Variants in CCDC198 observed in about 807,000 individuals in gnomAD.
CCDC198 encodes coiled-coil domain containing 198.
CCDC198 carries 18 observed loss-of-function variants against 35.6 expected under a neutral mutation model. The ratio of observed to expected loss-of-function variants is 0.51; its 90% CI spans 0.35 to 0.75. The LOEUF (loss-of-function observed/expected upper bound fraction) is 0.75. CCDC198 is among the 30% of genes least tolerant of loss of function. The pLI is 0.01. For synonymous variants in CCDC198, 119 were observed against 113.4 expected (o/e 1.05, Z -0.31); for missense variants, 365 against 343.7 (o/e 1.06, Z -0.49).
At chr14:57,475,478 G>A in intron 5 of CCDC198, 4 of 1,222,422 alleles carry the variant, frequency 3.3e-6, no homozygotes, top group Non-Finnish European at 4.2e-6. Context: ...GCTCATGCCT[G>A]TAATCGGATC....
chr14:57,493,639 G>A lies in CCDC198; in HGVS notation c.77C>T (p.Pro26Leu), dbSNP rs2067653108. ...APLQNKEVET[P>L]SAGRVDFAFN... is the part of the protein sequence containing the mutation. ...TGCAAAGTCCACACGGCCAGCCGAGGGAGTCTCTACCTCTTTGTTTTGCAA... is the reference window on the plus strand; with the variant it reads ...TGCAAAGTCCACACGGCCAGCCGAGAGAGTCTCTACCTCTTTGTTTTGCAA... Residue 26 changes from proline (P) to leucine (L), a missense_variant, in exon 1 of 6, where the codon CCC becomes CTC. Pro to Leu is a moderately conservative substitution (Grantham distance 98). Transcript: ENST00000216445. 3.7e-6 allele frequency: 6 copies of A among 1,613,798 alleles called. No homozygotes were observed. The highest frequency in any genetic ancestry group is 5.1e-6 in the Non-Finnish European group (6 of 1,179,930).
chr14:57,485,747 G>T (rs986105596), intron 2 of CCDC198, among the ~76,000 whole-genome samples: 9 of 152,176 alleles, frequency 5.9e-5, no homozygotes, highest in Admixed American at 5.2e-4. Flanking sequence ...GAAGGGCAAA[G>T]GATGTGGAGA....
chr14:57,484,466 C>G (rs1163852012), intron 2 of CCDC198, among the ~76,000 whole-genome samples: 1 of 152,150 alleles, frequency 6.6e-6, no homozygotes, highest in Non-Finnish European at 1.5e-5. Context: ...GGGAACCAAC[C>G]CTATGGACAC....
At chr14:57,475,613 AG>A (rs1444458007) in intron 5 of CCDC198, 1 of 393,446 alleles carries the variant, frequency 2.5e-6, no homozygotes, top group East Asian at 9.9e-5. Flanking sequence ...AGGCTGAGGC[AG>A]GAGAATCATT....
At chr14:57,491,211 G>A in intron 1 of CCDC198, 140 bp from the exon 2 acceptor site, 1 of 792,392 alleles carries the variant, frequency 1.3e-6, no homozygotes, top group South Asian at 1.9e-5. Context: ...GGTTGAATGT[G>A]GAGATGAAAC....
intron 5 of CCDC198, among the ~76,000 whole-genome samples, chr14:57,479,586 T>C (rs2067115863): frequency 6.6e-6 from 1 of 152,166 alleles, no homozygotes; most frequent in Non-Finnish European, 1.5e-5. Context: ...AGGTCTGGGG[T>C]ATGACCTCCA....
intron 2 of CCDC198, among the ~76,000 whole-genome samples, chr14:57,483,980 T>A (rs1304658553): frequency 6.6e-6 from 1 of 152,168 alleles, no homozygotes; most frequent in Non-Finnish European, 1.5e-5. Flanking sequence ...GCATAATAGA[T>A]GTACATTTGC....
intron 5 of CCDC198, among the ~76,000 whole-genome samples, chr14:57,473,520 T>C (rs899266550): frequency 6.6e-5 from 10 of 152,186 alleles, no homozygotes; most frequent in African/African-American, 1.9e-4. Context: ...ATCTAACCTA[T>C]CACCTGATAA....
At chr14:57,489,945 A>G (rs2139558756) in intron 2 of CCDC198, among the ~76,000 whole-genome samples, 1 of 152,292 alleles carries the variant, frequency 6.6e-6, no homozygotes, top group South Asian at 2.1e-4. Flanking sequence ...TTAATTTGTT[A>G]TATTTCATTT....
intron 4 of CCDC198, among the ~76,000 whole-genome samples, chr14:57,481,278 C>T (rs2067175940): frequency 6.6e-6 from 1 of 152,074 alleles, no homozygotes; most frequent in Non-Finnish European, 1.5e-5. Context: ...ATGATCTAGC[C>T]CCATTTTCCT....
intron 5 of CCDC198, 40 bp from the exon 6 acceptor site, chr14:57,471,630 A>G (rs558640551): frequency 2.9e-5 from 35 of 1,213,454 alleles, no homozygotes; most frequent in Middle Eastern, 5.2e-4. Flanking sequence ...TTCCCTTAGC[A>G]ATGATTTATT....
At chr14:57,482,937 AAC>A in intron 3 of CCDC198, 126 bp downstream of exon 3, 1 of 1,297,262 alleles carries the variant, frequency 7.7e-7, no homozygotes, top group Non-Finnish European at 1.1e-6. Context: ...TGAATGACTT[AAC>A]AGTTTGATTT....
intron 5 of CCDC198, chr14:57,480,335 G>T: frequency 1.0e-6 from 1 of 966,346 alleles, no homozygotes; most frequent in East Asian, 1.1e-4. Context: ...GATGAGGCAA[G>T]ACTTGCAATG....
chr14:57,490,711 C>A (rs1281344972), intron 2 of CCDC198, among the ~76,000 whole-genome samples: 1 of 152,148 alleles, frequency 6.6e-6, no homozygotes. Flanking sequence ...TTCCCATAGT[C>A]ACCCAACTAA....
In CCDC198 at chr14:57,480,697, G is replaced by A. The variant is rs961009606; in HGVS notation, c.553C>T (p.Pro185Ser). Residue 185 changes from proline (P) to serine (S), a missense_variant, in exon 5 of 6, where the codon CCA becomes TCA. Pro to Ser is a moderately conservative substitution (Grantham distance 74, BLOSUM62 -1). Transcript: ENST00000216445. ...HGEARINKQS[P>S]RDHKAKKTLQ... ...GTTTTCTTGGCTTTATGGTCCCTTGGACTTTGCTTATTAATTCTTGCCTCT... is the reference window on the plus strand; with the variant it reads ...GTTTTCTTGGCTTTATGGTCCCTTGAACTTTGCTTATTAATTCTTGCCTCT... The A allele has an allele frequency of 5.0e-6, 8 of 1,613,902 alleles. No individual in the cohort carries two copies. Among genetic ancestry groups the A allele is most frequent in the Non-Finnish European group, 6.8e-6 (8 of 1,179,974 alleles).
intron 2 of CCDC198, among the ~76,000 whole-genome samples, chr14:57,489,443 G>T (rs924442963): frequency 1.3e-5 from 2 of 152,058 alleles, no homozygotes; most frequent in Non-Finnish European, 2.9e-5. Flanking sequence ...TAGGTGATGG[G>T]ATGATCTGTG....
chr14:57,490,982 A>G lies in CCDC198; in HGVS notation c.306+7T>C, dbSNP rs2067546568. On this transcript the variant is annotated splice_region_variant and intron_variant, in intron 2 of 5. Coordinates refer to ENST00000216445, the MANE Select transcript of CCDC198 (RefSeq NM_018168.4). ...ATTCCTTATGAAGCCTTTTAAATTC[A>G]TCTTACTTGAAGTCTTTGGGGTGGA... The G allele has an allele frequency of 3.8e-6, 6 of 1,561,858 alleles. No individual in the cohort carries two copies. The highest frequency in any genetic ancestry group is 5.3e-6 in the Non-Finnish European group (6 of 1,133,940).
intron 2 of CCDC198, among the ~76,000 whole-genome samples, chr14:57,487,586 C>T (rs1303159824): frequency 1.3e-5 from 2 of 152,094 alleles, no homozygotes; most frequent in Non-Finnish European, 1.5e-5. Context: ...CCATTTGATT[C>T]GGAGTTCCCT....
chr14:57,493,518 T>C lies in CCDC198; in HGVS notation c.198A>G (p.Glu66=). 6.2e-7 allele frequency: 1 copy of C among 1,613,928 alleles called. No homozygotes were observed. Among genetic ancestry groups the C allele is most frequent in the East Asian group, 2.2e-5 (1 of 44,882 alleles). ...CTGTAGAATATCTTCCATACCAGTT[T>C]TCTTGTAAAGGTGGCAGCTGCCCTT... ...ALEGQLPPLQ[E]NWYGRYSTAS... Residue 66 remains glutamate, a synonymous_variant, in exon 1 of 6, where the codon GAA becomes GAG. Transcript: ENST00000216445.
Sources: gnomAD v4.1 joint callset for allele counts (sites outside exome capture counted in the v4.1 genomes callset) on GRCh38, gnomAD v4.1.1 for gene constraint, MANE v1.5 for transcripts, NCBI Gene and HGNC (gene_info 2026-07-23, HGNC 2026-07-21) for gene names.